Variants in CASP9 observed in about 807,000 individuals in gnomAD.
CASP9 encodes the protein caspase-9.
Under a neutral mutation model 43.5 loss-of-function variants are expected in CASP9, and 29 were observed. The ratio of observed to expected loss-of-function variants is 0.67; its 90% CI spans 0.50 to 0.91. The LOEUF (loss-of-function observed/expected upper bound fraction) is 0.91, where lower values mean the gene tolerates loss of function less well. CASP9 is among the 40% of genes least tolerant of loss of function. The pLI is 0.00. For missense variants in CASP9, 575 were observed against 537.4 expected, an observed-to-expected ratio of 1.07 and a Z score of -0.69; for synonymous variants, 206 against 211.9, an observed-to-expected ratio of 0.97 and a Z score of 0.24.
intron 6 of CASP9, among the ~76,000 whole-genome samples, chr1:15,504,110 G>A (rs572216164): frequency 6.6e-6 from 1 of 152,312 alleles, no homozygotes; most frequent in South Asian, 2.1e-4. Flanking sequence ...GCCTCCCAAA[G>A]TGTTGGGCAT....
chr1:15,516,181 G>A (rs1159184141), intron 2 of CASP9, among the ~76,000 whole-genome samples: 4 of 147,092 alleles, frequency 2.7e-5, no homozygotes, highest in East Asian at 4.1e-4. Context: ...CAGCCTGGGT[G>A]ACAGAGCGAG....
chr1:15,523,253 C>A (rs4645991), intron 1 of CASP9, among the ~76,000 whole-genome samples: 329 of 152,352 alleles, frequency 2.2e-3, no homozygotes, highest in African/African-American at 7.5e-3. Flanking sequence ...GTACGCTGAT[C>A]CCCCGCTCTG....
chr1:15,518,638 A>C (rs1710054235), intron 1 of CASP9, among the ~76,000 whole-genome samples: 1 of 152,248 alleles, frequency 6.6e-6, no homozygotes, highest in South Asian at 2.1e-4. Context: ...TCAGTCCTTA[A>C]GGAGCAAATT....
chr1:15,499,283 C>A (rs564246579), intron 6 of CASP9, among the ~76,000 whole-genome samples: 44 of 152,216 alleles, frequency 2.9e-4, no homozygotes, highest in African/African-American at 1.1e-3. Context: ...TAAAATCAGT[C>A]GTTGTATACC....
chr1:15,524,078 C>T lies in CASP9; in HGVS notation c.123G>A (p.Glu41=), dbSNP rs917355364. 2.0e-6 allele frequency: 3 copies of T among 1,509,176 alleles called. No individual in the cohort carries two copies. Among genetic ancestry groups the T allele is most frequent in the African/African-American group, 1.5e-5 (1 of 68,240 alleles). The allele number at this position is 1,509,176 out of a possible 1,614,324, so 93.5% of individuals were successfully genotyped here. The change falls in exon 1 of 9, where the codon GAG becomes GAA. Residue 41 remains glutamate (E), a synonymous_variant. Coordinates refer to ENST00000333868, the MANE Select transcript of CASP9 (RefSeq NM_001229.5). ...SRELFRPHMI[E]DIQRAGSGSR... ...GGGGCCGGGGGCGCACCTGGATGTCCTCGATCATATGGGGCCTGAACAGCT... is the reference window on the plus strand; with the variant it reads ...GGGGCCGGGGGCGCACCTGGATGTCTTCGATCATATGGGGCCTGAACAGCT...
intron 2 of CASP9, among the ~76,000 whole-genome samples, chr1:15,508,905 C>T (rs1709627851): frequency 6.6e-6 from 1 of 152,182 alleles, no homozygotes; most frequent in African/African-American, 2.4e-5. Context: ...AAGAAGTAGG[C>T]AACATGGCAC....
chr1:15,507,723 C>T (rs1382449406), intron 3 of CASP9, 150 bp downstream of exon 3: 5 of 703,640 alleles, frequency 7.1e-6, no homozygotes, highest in Admixed American at 4.8e-5. Context: ...GGCGCTGGGC[C>T]GGAGTCAGGG....
At chr1:15,495,475 C>T (rs1320042892) in intron 6 of CASP9, 23 bp from the exon 7 acceptor site, 3 of 1,544,984 alleles carry the variant, frequency 1.9e-6, no homozygotes, top group Non-Finnish European at 2.6e-6. Flanking sequence ...GAAACAAACA[C>T]CTCTTGTCAT....
intron 2 of CASP9, among the ~76,000 whole-genome samples, chr1:15,510,233 A>AT (rs1368221237): frequency 6.6e-6 from 1 of 151,718 alleles, no homozygotes; most frequent in Non-Finnish European, 1.5e-5. Flanking sequence ...CCCGGCCTAC[A>AT]TTTTTTCTTT....
chr1:15,519,684 G>A (rs750043812), intron 1 of CASP9, among the ~76,000 whole-genome samples: 1 of 152,124 alleles, frequency 6.6e-6, no homozygotes, highest in Non-Finnish European at 1.5e-5. Flanking sequence ...CACTGACTGG[G>A]GGGACTGTGA....
chr1:15,495,056 G>A (rs904849693), intron 7 of CASP9, among the ~76,000 whole-genome samples: 1 of 151,856 alleles, frequency 6.6e-6, no homozygotes, highest in Non-Finnish European at 1.5e-5. Flanking sequence ...GGCAAGTGAG[G>A]CATAGGAACC....
At chr1:15,500,886 T>A (rs112858758) in intron 6 of CASP9, among the ~76,000 whole-genome samples, 1 of 94,294 alleles carries the variant, frequency 1.1e-5, no homozygotes, top group South Asian at 3.2e-4. Flanking sequence ...GAGCAGGGGG[T>A]GTGGGGGAAA....
At chr1:15,512,516 T>C (rs751775548) in intron 2 of CASP9, among the ~76,000 whole-genome samples, 3 of 152,156 alleles carry the variant, frequency 2.0e-5, no homozygotes, top group Non-Finnish European at 2.9e-5. Context: ...ACTTCTACCA[T>C]TGGTGCTCCT....
chr1:15,516,603 G>C (rs1709960083), intron 2 of CASP9, among the ~76,000 whole-genome samples: 2 of 152,176 alleles, frequency 1.3e-5, no homozygotes, highest in Non-Finnish European at 2.9e-5. Context: ...AGCCTCTCAA[G>C]TAGCTTGTCC....
At chr1:15,519,889 C>G (rs756643782) in intron 1 of CASP9, 4 of 152,586 alleles carry the variant, frequency 2.6e-5, no homozygotes, top group Non-Finnish European at 5.8e-5. Context: ...ACCTGTAGTC[C>G]CAGCTACTCA....
At chr1:15,524,032 G>C (rs746443316) in intron 1 of CASP9, 37 bp downstream of exon 1, 2 of 1,419,808 alleles carry the variant, frequency 1.4e-6, no homozygotes, top group South Asian at 2.6e-5. Flanking sequence ...GTGGGGACCC[G>C]GCCGTGCAGC....
chr1:15,507,400 C>G (rs550795265), intron 3 of CASP9, among the ~76,000 whole-genome samples: 8 of 152,206 alleles, frequency 5.3e-5, no homozygotes, highest in South Asian at 2.1e-4. Flanking sequence ...CACCTGGAGG[C>G]ACCCAAGGCT....
intron 7 of CASP9, 106 bp from the exon 8 acceptor site, chr1:15,494,107 C>A: frequency 7.2e-7 from 1 of 1,385,056 alleles, no homozygotes; most frequent in Admixed American, 2.1e-5. Flanking sequence ...CAGACCTTGA[C>A]TCATACATAC....
At chr1:15,508,901 T>C (rs1364953863) in intron 2 of CASP9, among the ~76,000 whole-genome samples, 2 of 152,286 alleles carry the variant, frequency 1.3e-5, no homozygotes, top group East Asian at 1.9e-4. Context: ...AGTAAAGAAG[T>C]AGGCAACATG....
Sources: gnomAD v4.1 joint callset for allele counts (sites outside exome capture counted in the v4.1 genomes callset) on GRCh38, gnomAD v4.1.1 for gene constraint, MANE v1.5 for transcripts, NCBI Gene and HGNC (gene_info 2026-07-23, HGNC 2026-07-21) for gene names.